The following SYNE2 variants were observed in gnomAD, a reference collection of about 807,000 sequenced individuals.
SYNE2 encodes nesprin-2.
Under a neutral mutation model 856.3 loss-of-function variants are expected in SYNE2, and 431 were observed. The observed-to-expected ratio is 0.50, with a 90% CI of 0.47 to 0.55. SYNE2 has a LOEUF of 0.55. Ranked by LOEUF, SYNE2 falls within the 20% of genes least tolerant of loss-of-function variation. The pLI is 0.00. For synonymous variants in SYNE2, 2,923 were observed against 2,872.3 expected, an observed-to-expected ratio of 1.02 and a Z score of -0.56; for missense variants, 8,129 against 8,023.2, an observed-to-expected ratio of 1.01 and a Z score of -0.50.
chr14:64,002,577 CT>C (rs2096763566), intron 29 of SYNE2, 142 bp from the exon 30 acceptor site: 2 of 862,218 alleles, frequency 2.3e-6, no homozygotes, highest in Admixed American at 5.8e-5. Context: ...AAAATGTTTC[CT>C]TAGGTAGAAA....
Position 63,997,370 on chromosome 14 carries a change from T to C in SYNE2, c.3222T>C (p.Asp1074=). Residue 1074 remains aspartate, a synonymous_variant, in exon 25 of 116, where the codon GAT becomes GAC. Transcript: ENST00000555002. Reference sequence around the variant, plus strand: ...GTGAGGCACCATTTGCAAAATCAGATAATCAGCCATCAACTGAAAAGGTGT... The same window carrying C: ...GTGAGGCACCATTTGCAAAATCAGACAATCAGCCATCAACTGAAAAGGTGT... ...PHSEAPFAKS[D]NQPSTEKAME... 6.2e-7 allele frequency: 1 copy of C among 1,613,266 alleles called. No individual in the cohort carries two copies. The highest frequency in any genetic ancestry group is 8.5e-7 in the Non-Finnish European group (1 of 1,179,682).
chr14:63,935,189 A>G (rs1274431907), intron 2 of SYNE2, among the ~76,000 whole-genome samples: 1 of 152,196 alleles, frequency 6.6e-6, no homozygotes, highest in Non-Finnish European at 1.5e-5. Context: ...AAATTTATAT[A>G]AGACAGGAAT....
At chr14:64,037,104 G>A (rs2097096529) in intron 45 of SYNE2, among the ~76,000 whole-genome samples, 1 of 151,996 alleles carries the variant, frequency 6.6e-6, no homozygotes, top group Admixed American at 6.5e-5. Context: ...TGGGTGTGGG[G>A]AGCATTTTTG....
chr14:63,904,665 G>T (rs1247330330), intron 1 of SYNE2, among the ~76,000 whole-genome samples: 1 of 151,946 alleles, frequency 6.6e-6, no homozygotes, highest in Non-Finnish European at 1.5e-5. Flanking sequence ...TAATGGGGTT[G>T]TCTTTTGCTT....
At chr14:63,786,879 T>C (rs1887548914) in intron 1 of SYNE2, among the ~76,000 whole-genome samples, 1 of 152,076 alleles carries the variant, frequency 6.6e-6, no homozygotes, top group Non-Finnish European at 1.5e-5. Context: ...TCCTCCCACC[T>C]CAGCCTCCCA....
chr14:64,132,708 A>T (rs1272121827), intron 77 of SYNE2, among the ~76,000 whole-genome samples: 1 of 152,168 alleles, frequency 6.6e-6, no homozygotes, highest in African/African-American at 2.4e-5. Flanking sequence ...GCACTTTGAG[A>T]CCTTGAATGA....
intron 1 of SYNE2, among the ~76,000 whole-genome samples, chr14:63,890,952 T>A (rs573776095): frequency 6.6e-6 from 1 of 152,356 alleles, no homozygotes; most frequent in Admixed American, 6.5e-5. Context: ...CAGTGCCTGA[T>A]ATAGTGCCTG....
chr14:63,928,123 C>T (rs1184927846), intron 2 of SYNE2, among the ~76,000 whole-genome samples: 4 of 151,166 alleles, frequency 2.6e-5, no homozygotes, highest in Non-Finnish European at 5.9e-5. Context: ...AAGTAGATAC[C>T]AGAGCTATGA....
chr14:64,024,109 G>C (rs1359964226), intron 38 of SYNE2, 148 bp from the exon 39 acceptor site: 2 of 691,530 alleles, frequency 2.9e-6, no homozygotes, highest in Non-Finnish European at 2.6e-6. Context: ...TGCCATTGGA[G>C]ATAGCCACAT....
chr14:64,096,120 G>C (rs1482438641), intron 61 of SYNE2, among the ~76,000 whole-genome samples: 1 of 152,214 alleles, frequency 6.6e-6, no homozygotes. Context: ...CTCCAGAACT[G>C]TGAGAAATAA....
intron 78 of SYNE2, among the ~76,000 whole-genome samples, 184 bp from the exon 79 acceptor site, chr14:64,137,603 A>G (rs1342146703): frequency 6.6e-6 from 1 of 152,222 alleles, no homozygotes; most frequent in African/African-American, 2.4e-5. Flanking sequence ...TTGGACACCT[A>G]TCATGAAAGG....
At chr14:63,905,912 G>A (rs2095404123) in intron 1 of SYNE2, among the ~76,000 whole-genome samples, 1 of 152,076 alleles carries the variant, frequency 6.6e-6, no homozygotes, top group Non-Finnish European at 1.5e-5. Flanking sequence ...TTTGCCCGTT[G>A]AATATGATGT....
chr14:63,847,008 G>C (rs573620130), intron 1 of SYNE2, among the ~76,000 whole-genome samples: 1 of 151,316 alleles, frequency 6.6e-6, no homozygotes, highest in Non-Finnish European at 1.5e-5. Flanking sequence ...AAAAAATAGA[G>C]ACAAAGTCTT....
At chr14:64,131,062 ATG>A (rs979872047) in intron 76 of SYNE2, among the ~76,000 whole-genome samples, 1 of 152,234 alleles carries the variant, frequency 6.6e-6, no homozygotes. Flanking sequence ...ATAATTAAAA[ATG>A]TGTAGGACGG....
chr14:64,175,154 A>C lies in SYNE2; in HGVS notation c.17430+16A>C, dbSNP rs1307308115. ...CACTGTAGAGGTAAACTCACCACTT[A>C]CTTTTCCATTCATGATATTCAAATT... On this transcript the variant is annotated intron_variant, in intron 95 of 115. Transcript: ENST00000555002. 4.3e-6 allele frequency: 7 copies of C among 1,613,380 alleles called. No individual in the cohort carries two copies. Among genetic ancestry groups the C allele is most frequent in the Non-Finnish European group, 5.9e-6 (7 of 1,179,538 alleles).
intron 1 of SYNE2, among the ~76,000 whole-genome samples, chr14:63,807,250 G>C: frequency 6.6e-6 from 1 of 151,974 alleles, no homozygotes; most frequent in South Asian, 2.1e-4. Flanking sequence ...GCTGAGGCAG[G>C]TAGATAGATT....
At chr14:63,813,961 G>A (rs1006084079) in intron 1 of SYNE2, among the ~76,000 whole-genome samples, 16 of 152,200 alleles carry the variant, frequency 1.1e-4, no homozygotes, top group Admixed American at 4.6e-4. Flanking sequence ...AGGAGGCTGA[G>A]GCAGAAGAAT....
At chr14:64,161,229 G>C (rs1327645706) in intron 87 of SYNE2, among the ~76,000 whole-genome samples, 1 of 151,920 alleles carries the variant, frequency 6.6e-6, no homozygotes, top group African/African-American at 2.4e-5. Flanking sequence ...TGTGGTCCTA[G>C]CTACTTGTGG....
chr14:63,865,574 G>C (rs1894969010), intron 1 of SYNE2, among the ~76,000 whole-genome samples: 1 of 151,566 alleles, frequency 6.6e-6, no homozygotes, highest in African/African-American at 2.4e-5. Flanking sequence ...AGTAGAGATG[G>C]GGTTTCACCA....
Sources: gnomAD v4.1 joint callset for allele counts (sites outside exome capture counted in the v4.1 genomes callset) on GRCh38, gnomAD v4.1.1 for gene constraint, MANE v1.5 for transcripts, NCBI Gene and HGNC (gene_info 2026-07-23, HGNC 2026-07-21) for gene names.